Variants in COL25A1 observed in about 807,000 individuals in gnomAD.
COL25A1 encodes collagen alpha-1(XXV) chain.
In COL25A1, 103 loss-of-function variants were observed where a neutral mutation model predicts 128.4. That is an observed-to-expected ratio of 0.80 (90% CI 0.68 to 0.94). The LOEUF (loss-of-function observed/expected upper bound fraction) is 0.94, where lower values mean the gene tolerates loss of function less well. Among genes scored for constraint, COL25A1 ranks in the 40% least tolerant of loss-of-function variants. The pLI is 0.00. For synonymous variants in COL25A1, 279 were observed against 277.2 expected, an observed-to-expected ratio of 1.01 and a Z score of -0.06; for missense variants, 745 against 840.0, an observed-to-expected ratio of 0.89 and a Z score of 1.40.
chr4:109,029,012 G>C (rs1019005555), intron 5 of COL25A1, among the ~76,000 whole-genome samples: 2 of 152,156 alleles, frequency 1.3e-5, no homozygotes, highest in African/African-American at 4.8e-5. Context: ...ATTAGAGAGA[G>C]AGTGGGAAAA....
intron 8 of COL25A1, among the ~76,000 whole-genome samples, chr4:108,965,693 C>T (rs1315198688): frequency 6.6e-6 from 1 of 152,036 alleles, no homozygotes; most frequent in Non-Finnish European, 1.5e-5. Flanking sequence ...AACAAAAAGC[C>T]CTCTTTAATG....
chr4:109,054,325 AC>A (rs1761262810), intron 3 of COL25A1, among the ~76,000 whole-genome samples: 1 of 152,194 alleles, frequency 6.6e-6, no homozygotes, highest in African/African-American at 2.4e-5. Context: ...CTGACTTTCA[AC>A]TAATCTCTTT....
At chr4:109,118,321 T>C (rs975645379) in intron 3 of COL25A1, among the ~76,000 whole-genome samples, 2 of 151,716 alleles carry the variant, frequency 1.3e-5, no homozygotes, top group Admixed American at 6.6e-5. Context: ...TAATATATTG[T>C]ATATTTCAAA....
chr4:109,251,095 T>C (rs1049169933), intron 3 of COL25A1, among the ~76,000 whole-genome samples: 5 of 152,194 alleles, frequency 3.3e-5, no homozygotes, highest in Non-Finnish European at 7.3e-5. Flanking sequence ...AAGTGATACA[T>C]CTTATGTTAC....
chr4:108,967,791 G>A (rs958750372), intron 8 of COL25A1, among the ~76,000 whole-genome samples: 2 of 152,064 alleles, frequency 1.3e-5, no homozygotes, highest in Non-Finnish European at 2.9e-5. Context: ...TTATTTCCTA[G>A]TCCAACTTTC....
At chr4:109,185,912 C>T (rs929196598) in intron 3 of COL25A1, among the ~76,000 whole-genome samples, 9 of 152,156 alleles carry the variant, frequency 5.9e-5, no homozygotes, top group Non-Finnish European at 7.3e-5. Flanking sequence ...TAGATCTGGA[C>T]GACTTCCAGC....
At chr4:108,969,841 C>G (rs1388708773) in intron 8 of COL25A1, among the ~76,000 whole-genome samples, 1 of 149,042 alleles carries the variant, frequency 6.7e-6, no homozygotes, top group Non-Finnish European at 1.5e-5. Flanking sequence ...TCTACTTGGT[C>G]ACCCTGCTTT....
chr4:109,216,308 A>T (rs1308580434), intron 3 of COL25A1, among the ~76,000 whole-genome samples: 1 of 150,930 alleles, frequency 6.6e-6, no homozygotes, highest in Non-Finnish European at 1.5e-5. Flanking sequence ...GACGGAAGGA[A>T]GGAAAGACGG....
At chr4:109,240,166 A>G (rs951741060) in intron 3 of COL25A1, among the ~76,000 whole-genome samples, 4 of 152,082 alleles carry the variant, frequency 2.6e-5, no homozygotes, top group Non-Finnish European at 4.4e-5. Flanking sequence ...AGTATATCAT[A>G]GTAAATATAT....
intron 2 of COL25A1, among the ~76,000 whole-genome samples, chr4:109,301,072 G>A (rs531866012): frequency 6.6e-6 from 1 of 152,160 alleles, no homozygotes; most frequent in South Asian, 2.1e-4. Flanking sequence ...CCCGGCTAGG[G>A]TAAGGTTCCA....
intron 5 of COL25A1, among the ~76,000 whole-genome samples, chr4:109,040,271 A>ATAC (rs1253723312): frequency 6.6e-6 from 1 of 152,146 alleles, no homozygotes; most frequent in Non-Finnish European, 1.5e-5. Context: ...CTTAGGCCAA[A>ATAC]TGTAGGCCAG....
intron 4 of COL25A1, among the ~76,000 whole-genome samples, chr4:109,049,637 C>CTGTTT (rs2125940713): frequency 6.6e-6 from 1 of 152,348 alleles, no homozygotes; most frequent in South Asian, 2.1e-4. Flanking sequence ...AAGGATAAAA[C>CTGTTT]ATTCCCAAAT....
In COL25A1 at chr4:109,048,189, A is replaced by C; in HGVS notation, c.413-14T>G. 1.2e-6 allele frequency: 2 copies of C among 1,610,576 alleles called. No homozygotes were observed. The highest frequency in any genetic ancestry group is 2.2e-5 in the South Asian group (2 of 90,966). On this transcript the variant is annotated splice_polypyrimidine_tract_variant and intron_variant, in intron 4 of 37. Transcript: ENST00000399132. ...TTACAGGAGGACCTATGGGGGGAGC[A>C]GGTGGAGAGAGAAGAGAGAGAGAGG...
intron 6 of COL25A1, among the ~76,000 whole-genome samples, chr4:109,005,767 G>A (rs988809030): frequency 6.6e-6 from 1 of 152,160 alleles, no homozygotes; most frequent in African/African-American, 2.4e-5. Flanking sequence ...ATGACAAGCT[G>A]TCTTCCTTAA....
At chr4:108,893,955 T>C (rs1578683973) in intron 16 of COL25A1, among the ~76,000 whole-genome samples, 1 of 152,334 alleles carries the variant, frequency 6.6e-6, no homozygotes. Context: ...TGAAGGTTTA[T>C]AGAAATAATT....
intron 3 of COL25A1, among the ~76,000 whole-genome samples, chr4:109,164,973 G>A (rs914425109): frequency 1.3e-5 from 2 of 152,092 alleles, no homozygotes; most frequent in African/African-American, 4.8e-5. Context: ...ACTTCATTCT[G>A]TGGTTTTAGA....
chr4:108,835,821 G>C (rs577176221), intron 31 of COL25A1, among the ~76,000 whole-genome samples: 5 of 148,488 alleles, frequency 3.4e-5, no homozygotes, highest in Non-Finnish European at 7.4e-5. Context: ...CAAAGTACTG[G>C]GATTACAGGT....
chr4:108,940,201 G>A (rs978449369), intron 10 of COL25A1, among the ~76,000 whole-genome samples: 4 of 152,246 alleles, frequency 2.6e-5, no homozygotes, highest in South Asian at 2.1e-4. Flanking sequence ...CGGCAGTGAG[G>A]ATACACCTGG....
At chr4:109,132,519 G>C (rs530844651) in intron 3 of COL25A1, among the ~76,000 whole-genome samples, 1 of 152,058 alleles carries the variant, frequency 6.6e-6, no homozygotes, top group Non-Finnish European at 1.5e-5. Flanking sequence ...TTCGTAATTT[G>C]ATTCTGTAAA....
Sources: allele counts gnomAD v4.1 joint callset (sites outside exome capture counted in the v4.1 genomes callset), GRCh38; gene constraint gnomAD v4.1.1; transcripts MANE v1.5; gene names NCBI Gene and HGNC (gene_info 2026-07-23, HGNC 2026-07-21).